Variants in UTRN observed in about 807,000 individuals in gnomAD.
UTRN encodes the protein dystrophin-related protein 1.
UTRN carries 283 observed loss-of-function variants against 463.9 expected under a neutral mutation model. The observed-to-expected ratio is 0.61, with a 90% CI of 0.55 to 0.67. The LOEUF (loss-of-function observed/expected upper bound fraction) is 0.67, where lower values mean the gene tolerates loss of function less well. Among genes scored for constraint, UTRN ranks in the 30% least tolerant of loss-of-function variants. The pLI is 0.00. For synonymous variants in UTRN, 1,442 were observed against 1,431.5 expected (o/e 1.01, Z -0.17); for missense variants, 3,922 against 4,084.3 (o/e 0.96, Z 1.08).
chr6:144,496,156 G>A (rs1280631381), intron 33 of UTRN, among the ~76,000 whole-genome samples: 1 of 152,294 alleles, frequency 6.6e-6, no homozygotes, highest in Non-Finnish European at 1.5e-5. Flanking sequence ...GTGTGGAAGT[G>A]TGAAACCTTA....
intron 66 of UTRN, among the ~76,000 whole-genome samples, chr6:144,822,498 C>T (rs1779689107): frequency 1.3e-5 from 2 of 152,070 alleles, no homozygotes; most frequent in South Asian, 2.1e-4. Context: ...ATATTCTTTC[C>T]ACTTGATATC....
chr6:144,352,985 C>G (rs961212245), intron 2 of UTRN, among the ~76,000 whole-genome samples: 1 of 152,024 alleles, frequency 6.6e-6, no homozygotes, highest in Non-Finnish European at 1.5e-5. Flanking sequence ...CTCTGTCAAC[C>G]AAGCTAGAGT....
At chr6:144,754,925 C>A in intron 57 of UTRN, 127 bp downstream of exon 57, 1 of 828,912 alleles carries the variant, frequency 1.2e-6, no homozygotes, top group South Asian at 2.0e-5. Context: ...TAAGGAGGTA[C>A]TAACATCAAA....
intron 2 of UTRN, among the ~76,000 whole-genome samples, chr6:144,367,806 G>T (rs1003753322): frequency 6.6e-6 from 1 of 152,042 alleles, no homozygotes; most frequent in Non-Finnish European, 1.5e-5. Context: ...TTTTGAGATG[G>T]AGTTTCACTC....
chr6:144,524,238 A>G (rs1024647973), intron 41 of UTRN, among the ~76,000 whole-genome samples: 1 of 152,052 alleles, frequency 6.6e-6, no homozygotes, highest in African/African-American at 2.4e-5. Context: ...ACCTTTGGAG[A>G]ACATTCTTTT....
intron 61 of UTRN, among the ~76,000 whole-genome samples, chr6:144,783,087 T>G (rs1482582604): frequency 6.6e-6 from 1 of 151,886 alleles, no homozygotes; most frequent in African/African-American, 2.4e-5. Flanking sequence ...TCTCAGCTAC[T>G]TGGGAGGCTG....
chr6:144,472,447 C>T (rs564181715), intron 23 of UTRN, among the ~76,000 whole-genome samples: 7 of 151,922 alleles, frequency 4.6e-5, no homozygotes, highest in Admixed American at 1.3e-4. Flanking sequence ...CTTGATTTCA[C>T]CAAAGTATTT....
chr6:144,563,303 C>T (rs941009468), intron 50 of UTRN, among the ~76,000 whole-genome samples: 1 of 152,066 alleles, frequency 6.6e-6, no homozygotes, highest in Non-Finnish European at 1.5e-5. Flanking sequence ...TCTATTATAT[C>T]TGTTATTACT....
At chr6:144,478,803 C>T (rs574612698) in intron 25 of UTRN, among the ~76,000 whole-genome samples, 43 of 152,274 alleles carry the variant, frequency 2.8e-4, no homozygotes, top group South Asian at 6.2e-4. Flanking sequence ...GACTGCAGAA[C>T]GGCGCCTTCT....
At chr6:144,794,288 C>T (rs781456370) in intron 63 of UTRN, among the ~76,000 whole-genome samples, 5 of 152,152 alleles carry the variant, frequency 3.3e-5, no homozygotes, top group African/African-American at 7.2e-5. Flanking sequence ...CCTTGCTCTC[C>T]GCTTTCCAGC....
chr6:144,365,642 C>T (rs1318617648), intron 2 of UTRN, among the ~76,000 whole-genome samples: 1 of 152,094 alleles, frequency 6.6e-6, no homozygotes, highest in East Asian at 1.9e-4. Context: ...TTAAATAACT[C>T]CAATTTTATG....
At chr6:144,785,519 A>G (rs1378743541) in intron 61 of UTRN, among the ~76,000 whole-genome samples, 1 of 152,210 alleles carries the variant, frequency 6.6e-6, no homozygotes, top group African/African-American at 2.4e-5. Flanking sequence ...ATATTTCTAT[A>G]TCTAGGAAAC....
intron 41 of UTRN, among the ~76,000 whole-genome samples, chr6:144,530,121 A>G (rs562366058): frequency 7.2e-5 from 11 of 152,332 alleles, no homozygotes; most frequent in Non-Finnish European, 8.8e-5. Flanking sequence ...TAATCTGCTC[A>G]GGCAGCCGTT....
intron 38 of UTRN, 118 bp downstream of exon 38, chr6:144,516,505 T>C (rs549530271): frequency 9.9e-5 from 118 of 1,192,772 alleles, no homozygotes; most frequent in Non-Finnish European, 1.2e-4. Context: ...CAGATTCAAA[T>C]GTGATTTTTT....
chr6:144,552,419 A>T (rs954418332), intron 48 of UTRN, among the ~76,000 whole-genome samples: 23 of 152,286 alleles, frequency 1.5e-4, no homozygotes, highest in African/African-American at 5.5e-4. Flanking sequence ...TGCTCTAGTG[A>T]TACCAAACTA....
chr6:144,499,520 T>C, intron 34 of UTRN, 93 bp downstream of exon 34: 1 of 1,086,842 alleles, frequency 9.2e-7, no homozygotes, highest in Non-Finnish European at 1.3e-6. Context: ...CCCTCCATTT[T>C]ATATTAAATC....
intron 27 of UTRN, among the ~76,000 whole-genome samples, chr6:144,484,713 G>C (rs1792255468): frequency 6.6e-6 from 1 of 151,908 alleles, no homozygotes; most frequent in South Asian, 2.1e-4. Flanking sequence ...AAAATGCTGA[G>C]ATTACAGGTG....
chr6:144,774,180 C>A, intron 59 of UTRN, 110 bp from the exon 60 acceptor site: 1 of 1,086,580 alleles, frequency 9.2e-7, no homozygotes, highest in Non-Finnish European at 1.3e-6. Context: ...CTTTTTATTT[C>A]AGGCAAACAT....
chr6:144,363,504 G>A (rs1403001196), intron 2 of UTRN, among the ~76,000 whole-genome samples: 1 of 152,144 alleles, frequency 6.6e-6, no homozygotes, highest in African/African-American at 2.4e-5. Flanking sequence ...TCAAGACAGC[G>A]TCTAGGTCCC....
Sources: gnomAD v4.1 joint callset for allele counts (sites outside exome capture counted in the v4.1 genomes callset) on GRCh38, gnomAD v4.1.1 for gene constraint, MANE v1.5 for transcripts, NCBI Gene and HGNC (gene_info 2026-07-23, HGNC 2026-07-21) for gene names.